The following INSC variants were observed in gnomAD, a reference collection of about 807,000 sequenced individuals.
INSC encodes protein inscuteable homolog.
Under a neutral mutation model 58.6 loss-of-function variants are expected in INSC, and 67 were observed. The observed-to-expected ratio is 1.14, with a 90% CI of 0.94 to 1.40. INSC has a LOEUF of 1.40. INSC is among the 40% of genes most tolerant of loss of function. INSC has a pLI of 0.00. For synonymous variants in INSC, 262 were observed against 276.1 expected, an observed-to-expected ratio of 0.95 and a Z score of 0.51; for missense variants, 714 against 692.0, an observed-to-expected ratio of 1.03 and a Z score of -0.36.
intron 2 of INSC, among the ~76,000 whole-genome samples, chr11:15,169,180 AG>A (rs1469620362): frequency 3.4e-5 from 3 of 87,884 alleles, no homozygotes; most frequent in African/African-American, 6.9e-5. Context: ...AGCCATCATG[AG>A]GGGCCTCAGA....
At chr11:15,195,130 G>T (rs1319159854) in intron 6 of INSC, among the ~76,000 whole-genome samples, 4 of 152,162 alleles carry the variant, frequency 2.6e-5, no homozygotes, top group Non-Finnish European at 5.9e-5. Context: ...TTTCTCCAAG[G>T]ATTCTGTGAC....
intron 12 of INSC, among the ~76,000 whole-genome samples, chr11:15,241,088 A>T (rs1226535510): frequency 6.6e-6 from 1 of 152,126 alleles, no homozygotes; most frequent in African/African-American, 2.4e-5. Flanking sequence ...GTCCCCACCC[A>T]ACTTCTTTTT....
At chr11:15,140,255 A>G (rs1279940124) in intron 1 of INSC, among the ~76,000 whole-genome samples, 1 of 152,196 alleles carries the variant, frequency 6.6e-6, no homozygotes, top group Non-Finnish European at 1.5e-5. Flanking sequence ...TGCCTGTCCC[A>G]TTCCAGAGCT....
At chr11:15,146,594 A>G (rs779169089) in intron 1 of INSC, among the ~76,000 whole-genome samples, 2 of 152,178 alleles carry the variant, frequency 1.3e-5, no homozygotes, top group Non-Finnish European at 2.9e-5. Flanking sequence ...TAAAAAATCA[A>G]GATATATTAG....
chr11:15,259,951 C>T, the INSC span, among the ~76,000 whole-genome samples: 1 of 152,142 alleles, frequency 6.6e-6, no homozygotes, highest in African/African-American at 2.4e-5. Flanking sequence ...CTTGAACCAC[C>T]TCTCTGTACT....
chr11:15,242,024 A>G lies in INSC; in HGVS notation c.1470+1501A>G, dbSNP rs1318817752. Among the ~76,000 whole-genome samples the G allele has an allele frequency of 3.3e-5, 5 of 152,204 alleles. No homozygotes were observed. In the East Asian group the frequency reaches 9.6e-4, roughly 29 times the overall value. On this transcript the variant is annotated intron_variant, in intron 12 of 12. Transcript: ENST00000379556. ...CTGCATTCACATTGCAACTGAAGGA[A>G]ATGCTAAGTTTCAGTTACAGGTTGG...
intron 5 of INSC, among the ~76,000 whole-genome samples, chr11:15,187,468 C>T (rs1590418988): frequency 6.6e-6 from 1 of 152,182 alleles, no homozygotes; most frequent in African/African-American, 2.4e-5. Context: ...ACTTTCCATC[C>T]AAAACTTTAG....
chr11:15,244,661 T>A (rs1852491350), intron 12 of INSC, among the ~76,000 whole-genome samples: 1 of 152,178 alleles, frequency 6.6e-6, no homozygotes, highest in Admixed American at 6.5e-5. Context: ...GTTTCCTTAT[T>A]TCCAAAAGGG....
intron 9 of INSC, among the ~76,000 whole-genome samples, chr11:15,226,915 T>C (rs1851661904): frequency 6.6e-6 from 1 of 152,356 alleles, no homozygotes; most frequent in South Asian, 2.1e-4. Context: ...GCTGGTGCCC[T>C]TGGTGAAGTT....
At chr11:15,230,711 T>C (rs1396691128) in intron 9 of INSC, among the ~76,000 whole-genome samples, 2 of 152,234 alleles carry the variant, frequency 1.3e-5, no homozygotes, top group Admixed American at 6.5e-5. Context: ...GTCTGACTTT[T>C]ATATGCTCTC....
chr11:15,205,676 A>G (rs372135494), intron 7 of INSC, among the ~76,000 whole-genome samples: 10 of 152,262 alleles, frequency 6.6e-5, no homozygotes, highest in East Asian at 5.8e-4. Flanking sequence ...TGGGTGGTCC[A>G]GGGGGGATGA....
Position 15,247,057 on chromosome 11 carries a change from C to G in INSC, c.*1017C>G, listed in dbSNP as rs1355405801. ...TTTTTTTTTAGAGAGAGCTGGTTTA[C>G]CAATTTCACTGCTTGAAAGTATCAC... On this transcript the variant is annotated 3_prime_UTR_variant, in exon 13 of 13. Coordinates refer to ENST00000379556, the MANE Select transcript of INSC (RefSeq NM_001042536.3). 1.3e-5 allele frequency: 2 copies of G among 151,212 alleles called. No individual in the cohort carries two copies. The allele number at this position is 151,212 out of a possible 1,614,324, so 9.4% of individuals were successfully genotyped here.
chr11:15,245,079 G>C (rs1354278924), intron 12 of INSC, among the ~76,000 whole-genome samples: 2 of 152,172 alleles, frequency 1.3e-5, no homozygotes, highest in Non-Finnish European at 2.9e-5. Flanking sequence ...TAGAAAACAA[G>C]ATCCTTACTC....
At chr11:15,177,848 T>G (rs1219608465) in intron 4 of INSC, among the ~76,000 whole-genome samples, 2 of 152,150 alleles carry the variant, frequency 1.3e-5, no homozygotes, top group African/African-American at 4.8e-5. Flanking sequence ...CTGTTTTTCT[T>G]GTCTGGGAAG....
Position 15,239,091 on chromosome 11 carries a change from G to C in INSC, c.1393+17G>C, listed in dbSNP as rs1390082240. On this transcript the variant is annotated intron_variant, in intron 11 of 12. Transcript: ENST00000379556. ...GGCTCAGCTGTGAGTGGTGCTTTCT[G>C]GCTGTGGCTGGAGTGGAGTGGGGGT... 2 of 1,603,226 alleles carry C rather than the reference G, an allele frequency of 1.2e-6. No individual in the cohort carries two copies. The highest frequency in any genetic ancestry group is 3.4e-5 in the Admixed American group (2 of 59,682).
chr11:15,117,496 C>T (rs895154706), intron 1 of INSC, among the ~76,000 whole-genome samples: 2 of 152,202 alleles, frequency 1.3e-5, no homozygotes. Context: ...TCCCTTGTCA[C>T]TCTGCTTGCT....
intron 1 of INSC, among the ~76,000 whole-genome samples, chr11:15,140,228 G>A (rs1382361511): frequency 6.6e-6 from 1 of 152,194 alleles, no homozygotes; most frequent in Non-Finnish European, 1.5e-5. Context: ...GGACTCATGG[G>A]CACTTCTGAG....
At chr11:15,199,986 T>G (rs1850515905) in intron 6 of INSC, among the ~76,000 whole-genome samples, 2 of 152,160 alleles carry the variant, frequency 1.3e-5, no homozygotes, top group African/African-American at 4.8e-5. Flanking sequence ...TATGAGTAAG[T>G]CTGACTAGTT....
At chr11:15,174,007 T>C (rs747100047) in intron 2 of INSC, among the ~76,000 whole-genome samples, 9 of 152,150 alleles carry the variant, frequency 5.9e-5, no homozygotes, top group Non-Finnish European at 1.3e-4. Flanking sequence ...CTATACTGAC[T>C]CAGAATAAAA....
Sources: gnomAD v4.1 joint callset for allele counts (sites outside exome capture counted in the v4.1 genomes callset) on GRCh38, gnomAD v4.1.1 for gene constraint, MANE v1.5 for transcripts, NCBI Gene and HGNC (gene_info 2026-07-23, HGNC 2026-07-21) for gene names.